Variants in NMT1 observed in about 807,000 individuals in gnomAD.
The protein encoded by NMT1 is glycylpeptide N-tetradecanoyltransferase 1.
In NMT1, 12 loss-of-function variants were observed where a neutral mutation model predicts 63.4. That is an observed-to-expected ratio of 0.19 (90% CI 0.12 to 0.31). The LOEUF is 0.31. NMT1 is among the 10% of genes least tolerant of loss of function. NMT1 has a pLI of 1.00. For missense variants in NMT1, 432 were observed against 634.6 expected, an observed-to-expected ratio of 0.68 and a Z score of 3.43; for synonymous variants, 228 against 234.3, an observed-to-expected ratio of 0.97 and a Z score of 0.25.
In NMT1 at chr17:45,096,298, G is replaced by T; in HGVS notation, c.596+13G>T. The T allele has an allele frequency of 1.2e-6, 2 of 1,607,716 alleles. No individual in the cohort carries two copies. The highest frequency in any genetic ancestry group is 1.7e-6 in the Non-Finnish European group (2 of 1,174,184). ...AGTTTCTTTTGTGGTAAGTTGTGGG[G>T]GCTTTCTTGAGGTTCTTGAGAGGAA... On this transcript the variant is annotated intron_variant, in intron 5 of 11. Transcript: ENST00000258960.
rs2054057128 is a variant in NMT1 at position 45,086,661 on chromosome 17, A to G, written c.385+9A>G. 7.5e-6 allele frequency: 12 copies of G among 1,599,466 alleles called. No individual in the cohort carries two copies. The highest frequency in any genetic ancestry group is 1.0e-5 in the Non-Finnish European group (12 of 1,174,126). On this transcript the variant is annotated intron_variant, in intron 3 of 11. Coordinates refer to ENST00000258960, the MANE Select transcript of NMT1 (RefSeq NM_021079.5). The stretch of plus-strand genomic sequence containing the variant: ...GCCCGTCCCCAAGCTGGGTATGTAC[A>G]TGCTTGCTTTCTTTGCCAGGTCAGG...
chr17:45,093,156 T>G (rs1162873214), intron 3 of NMT1, among the ~76,000 whole-genome samples: 1 of 152,236 alleles, frequency 6.6e-6, no homozygotes, highest in African/African-American at 2.4e-5. Context: ...ACTGAGGGCC[T>G]GAGTTGGCAG....
intron 3 of NMT1, among the ~76,000 whole-genome samples, chr17:45,091,105 A>G (rs554361352): frequency 6.6e-6 from 1 of 151,896 alleles, no homozygotes; most frequent in South Asian, 2.1e-4. Context: ...ACCCTGCCCC[A>G]CATAGTCCAC....
chr17:45,061,524 G>T, intron 1 of NMT1, 64 bp downstream of exon 1: 10 of 1,497,984 alleles, frequency 6.7e-6, no homozygotes, highest in Non-Finnish European at 8.2e-6. Context: ...CTGGGGTGCG[G>T]GGAAGTCACC....
intron 1 of NMT1, among the ~76,000 whole-genome samples, chr17:45,063,266 AT>A (rs1469924691): frequency 6.6e-6 from 1 of 151,640 alleles, no homozygotes; most frequent in Non-Finnish European, 1.5e-5. Context: ...AGCTTGCCAA[AT>A]TTAGTTTTTA....
rs192506489 is a variant in NMT1 at position 45,068,807 on chromosome 17, C to T, written c.131+7347C>T. Among the ~76,000 whole-genome samples the T allele has an allele frequency of 1.6e-3, 245 of 151,900 alleles. 1 individual carries two copies. The highest frequency in any genetic ancestry group is 5.1e-3 in the African/African-American group (212 of 41,444). ...GATCACAGGTGTGCACCACCATTCCCGGCTAATTTCTGTATTTTTAATAGA... is the reference window on the plus strand; with the variant it reads ...GATCACAGGTGTGCACCACCATTCCTGGCTAATTTCTGTATTTTTAATAGA... On this transcript the variant is annotated intron_variant, in intron 1 of 11. Transcript: ENST00000258960.
chr17:45,097,197 G>A lies in NMT1; in HGVS notation c.666G>A (p.Leu222=). Residue 222 remains leucine (L), a synonymous_variant, in exon 6 of 12, where the codon TTG becomes TTA. Transcript: ENST00000258960. Reference sequence around the variant, plus strand: ...TTCGAGTGGTCTCAAGTCGGAAATTGGTTGGGTTCATTAGCGCCATCCCAG... The same window carrying A: ...TTCGAGTGGTCTCAAGTCGGAAATTAGTTGGGTTCATTAGCGCCATCCCAG... ...CGVRVVSSRK[L]VGFISAIPAN... 1 of 1,614,172 alleles carries A rather than the reference G, an allele frequency of 6.2e-7. No individual in the cohort carries two copies. Among genetic ancestry groups the A allele is most frequent in the Non-Finnish European group, 8.5e-7 (1 of 1,180,036 alleles).
chr17:45,098,354 T>C, intron 6 of NMT1, 28 bp from the exon 7 acceptor site: 1 of 1,606,724 alleles, frequency 6.2e-7, no homozygotes, highest in Non-Finnish European at 8.5e-7. Flanking sequence ...GTTAAAAACC[T>C]TGTCACCTGG....
intron 4 of NMT1, 140 bp downstream of exon 4, chr17:45,093,943 C>T (rs1179160937): frequency 4.7e-6 from 3 of 643,196 alleles, no homozygotes; most frequent in African/African-American, 1.8e-5. Context: ...TCTGTAACTT[C>T]CTGGGGCATG....
At chr17:45,075,570 A>T (rs1370663355) in intron 1 of NMT1, among the ~76,000 whole-genome samples, 2 of 152,054 alleles carry the variant, frequency 1.3e-5, no homozygotes, top group African/African-American at 2.4e-5. Context: ...TCATGAGGTC[A>T]GGAGTTCAAG....
chr17:45,094,367 G>C (rs145168596), intron 4 of NMT1, among the ~76,000 whole-genome samples: 1 of 151,318 alleles, frequency 6.6e-6, no homozygotes, highest in Non-Finnish European at 1.5e-5. Context: ...GGTGGTGTAC[G>C]CCTGTATCCC....
At chr17:45,084,115 A>G (rs2054034966) in intron 2 of NMT1, among the ~76,000 whole-genome samples, 1 of 152,198 alleles carries the variant, frequency 6.6e-6, no homozygotes, top group African/African-American at 2.4e-5. Flanking sequence ...TAAAACAGAA[A>G]TTGACAAATT....
intron 8 of NMT1, 104 bp downstream of exon 8, chr17:45,099,617 A>G: frequency 1.3e-6 from 1 of 794,484 alleles, no homozygotes; most frequent in South Asian, 1.5e-5. Flanking sequence ...GCTTTCTCCT[A>G]CTGGAAAAGC....
Position 45,092,089 on chromosome 17 carries a change from C to T in NMT1, c.386-1596C>T, listed in dbSNP as rs569806175. On this transcript the variant is annotated intron_variant, in intron 3 of 11. Transcript: ENST00000258960. ...TCTCCCAAGCAAACCTGTTGGGAAGCCTGATTACCAACAGAGCAGGCTGCT... is the reference window on the plus strand; with the variant it reads ...TCTCCCAAGCAAACCTGTTGGGAAGTCTGATTACCAACAGAGCAGGCTGCT... Among the ~76,000 whole-genome samples, 10 of 152,276 alleles carry T rather than the reference C, an allele frequency of 6.6e-5. No individual in the cohort carries two copies. In the South Asian group the frequency reaches 2.1e-3, roughly 32 times the overall value.
Position 45,083,324 on chromosome 17 carries a change from AAAAAAAAAATT to A in NMT1, c.240+1584_240+1594del, listed in dbSNP as rs1357385009. Among the ~76,000 whole-genome samples, 3 of 145,242 alleles carry A rather than the reference AAAAAAAAAATT, an allele frequency of 2.1e-5. No homozygotes were observed. In the South Asian group the frequency reaches 7.0e-4, roughly 34 times the overall value. ...AAAGGGTGAGACTTTGTCTCAAAAA[AAAAAAAAAATT>A]AAAAAAAAATTTAAAAAAAGGAACA... On this transcript the variant is annotated intron_variant, in intron 2 of 11. Coordinates refer to ENST00000258960, the MANE Select transcript of NMT1 (RefSeq NM_021079.5).
chr17:45,070,578 C>T (rs571299415), intron 1 of NMT1, among the ~76,000 whole-genome samples: 6 of 152,270 alleles, frequency 3.9e-5, no homozygotes, highest in Admixed American at 6.5e-5. Context: ...TCACCACGCC[C>T]GGCTAATTTT....
intron 1 of NMT1, among the ~76,000 whole-genome samples, chr17:45,080,263 C>T (rs1409494518): frequency 2.0e-5 from 3 of 151,734 alleles, no homozygotes; most frequent in Admixed American, 6.6e-5. Flanking sequence ...TGGGTTCAAG[C>T]GATTCTCCTG....
intron 4 of NMT1, 141 bp downstream of exon 4, chr17:45,093,944 C>G (rs2054106864): frequency 4.7e-6 from 3 of 641,474 alleles, no homozygotes; most frequent in Non-Finnish European, 5.4e-6. Flanking sequence ...CTGTAACTTC[C>G]TGGGGCATGG....
rs750353554 is a variant in NMT1, at chr17:45,104,138, C to T, written c.1332+262C>T. The stretch of plus-strand genomic sequence containing the variant: ...TCTCACAGGAGGCGCCACCAAGGAG[C>T]CTGAATAGCCAGGCCTTCCCTGGGA... On this transcript the variant is annotated intron_variant, in intron 10 of 11. Transcript: ENST00000258960. This position sits in a 1 kb window ranked among gnomAD's most constrained non-coding sequence, Gnocchi z 4.2. The T allele has an allele frequency of 7.3e-7, 1 of 1,367,410 alleles. No homozygotes were observed. Among genetic ancestry groups the T allele is most frequent in the Non-Finnish European group, 9.5e-7 (1 of 1,054,126 alleles). The allele number at this position is 1,367,410 out of a possible 1,614,324, so 84.7% of individuals were successfully genotyped here. A position where few individuals can be genotyped will look rare whatever the true frequency, so the allele number is the denominator to read the frequency against.
Sources: allele counts gnomAD v4.1 joint callset (sites outside exome capture counted in the v4.1 genomes callset), GRCh38; gene constraint gnomAD v4.1.1; non-coding constraint Gnocchi (gnomAD v3.1); transcripts MANE v1.5; gene names NCBI Gene and HGNC (gene_info 2026-07-23, HGNC 2026-07-21).